RRP8: variants seen among roughly 807,000 people sequenced by gnomAD.
RRP8 encodes the protein ribosomal RNA-processing protein 8.
RRP8 carries 48 observed loss-of-function variants against 45.0 expected under a neutral mutation model. The ratio of observed to expected loss-of-function variants is 1.07; its 90% CI spans 0.85 to 1.36. The LOEUF is 1.36. RRP8 is among the 40% of genes most tolerant of loss of function. The pLI is 0.00. For missense variants in RRP8, 658 were observed against 573.7 expected (o/e 1.15, Z -1.50); for synonymous variants, 274 against 212.4 (o/e 1.29, Z -2.52).
Position 6,599,569 on chromosome 11 carries a change from C to G in RRP8, c.*577G>C, listed in dbSNP as rs956798542. On this transcript the variant is annotated 3_prime_UTR_variant, in exon 7 of 7. Transcript: ENST00000254605. ...GATGAGGGGAGAGGGGAAAGATAAA[C>G]CACTAGAAATGCTCGGTATGGGGAC... The G allele has an allele frequency of 6.6e-6, 1 of 152,258 alleles. No individual in the cohort carries two copies. Among genetic ancestry groups the G allele is most frequent in the Non-Finnish European group, 1.5e-5 (1 of 68,086 alleles). 9.4% of individuals were successfully genotyped at this position (152,258 alleles called of 1,614,324 possible). A position where few individuals can be genotyped will look rare whatever the true frequency, so the allele number is the denominator to read the frequency against.
At chr11:6,600,322 C>T (rs1281063402) in intron 6 of RRP8, 57 bp from the exon 7 acceptor site, 3 of 1,356,428 alleles carry the variant, frequency 2.2e-6, no homozygotes, top group Non-Finnish European at 3.1e-6. Flanking sequence ...CCTTAAAACA[C>T]CTCCCTCTAT....
In RRP8 at chr11:6,601,981, T is replaced by C. The variant is rs143875693; in HGVS notation, c.334A>G (p.Arg112Gly). ...GCCTGTTTGTGGCATTTCTTCTTCC[T>C]TTCTACTTCTTCCTCAGAGTCACTG... ...PCSDSEEEVERKKKCHKQALV... is the reference protein window; with the variant it reads ...PCSDSEEEVEGKKKCHKQALV... Residue 112 changes from arginine (R) to glycine (G), a missense_variant, in exon 2 of 7, where the codon AGG becomes GGG. Coordinates refer to ENST00000254605, the MANE Select transcript of RRP8 (RefSeq NM_015324.4). The C allele has an allele frequency of 1.4e-5, 22 of 1,614,082 alleles. No homozygotes were observed. The Middle Eastern group carries it at 6.6e-4, about 48-fold the overall frequency.
Position 6,601,865 on chromosome 11 carries a change from A to G in RRP8, c.450T>C (p.Asn150=). 6.2e-7 allele frequency: 1 copy of G among 1,611,710 alleles called. No homozygotes were observed. Among genetic ancestry groups the G allele is most frequent in the Non-Finnish European group, 8.5e-7 (1 of 1,178,758 alleles). Residue 150 remains asparagine, a synonymous_variant, in exon 2 of 7, where the codon AAT becomes AAC. Transcript: ENST00000254605. The part of the protein sequence containing the change: ...APINSAQHLD[N]VDQTGPKAWK... ...ATCCAATGGTACCTGTTTGGTCAAC[A>G]TTGTCCAGGTGCTGGGCTGAATTTA...
Position 6,600,721 on chromosome 11 carries a change from C to T in RRP8, c.1102G>A (p.Gly368Arg), listed in dbSNP as rs1854328145. The T allele has an allele frequency of 1.2e-6, 2 of 1,613,958 alleles. No homozygotes were observed. The highest frequency in any genetic ancestry group is 3.3e-5 in the Admixed American group (2 of 60,006). The part of the protein sequence containing the change: ...DVAVFCLSLM[G>R]TNIRDFLEEA... ...TCTAGGAAGTCCCTGATGTTGGTTCCCATCAGTGAAAGGCAAAACACAGCC... is the reference window on the plus strand; with the variant it reads ...TCTAGGAAGTCCCTGATGTTGGTTCTCATCAGTGAAAGGCAAAACACAGCC... Residue 368 changes from glycine (G) to arginine (R), a missense_variant, in exon 5 of 7, where the codon GGA becomes AGA. By Grantham distance (125) the Gly-to-Arg change is moderately radical (BLOSUM62 -2). Coordinates refer to ENST00000254605, the MANE Select transcript of RRP8 (RefSeq NM_015324.4).
rs1470433092 is a variant in RRP8 at position 6,599,439 on chromosome 11, G to T, written c.*707C>A. 6.6e-6 allele frequency: 1 copy of T among 152,166 alleles called. No individual in the cohort carries two copies. Among genetic ancestry groups the T allele is most frequent in the Non-Finnish European group, 1.5e-5 (1 of 68,048 alleles). The allele number at this position is 152,166 out of a possible 1,614,324, so 9.4% of individuals were successfully genotyped here. On this transcript the variant is annotated 3_prime_UTR_variant, in exon 7 of 7. Transcript: ENST00000254605. ...GTAGCAGGCCAAGAATTAAATCCAGGTCTACCTGATTCCAAAATCTGTGCT... is the reference window on the plus strand; with the variant it reads ...GTAGCAGGCCAAGAATTAAATCCAGTTCTACCTGATTCCAAAATCTGTGCT...
In RRP8 at chr11:6,600,924, A is replaced by G. The variant is rs1277495309; in HGVS notation, c.1047+2T>C. The G allele has an allele frequency of 6.2e-7, 1 of 1,614,164 alleles. No individual in the cohort carries two copies. On this transcript the variant is annotated splice_donor_variant, in intron 4 of 6. Coordinates refer to ENST00000254605, the MANE Select transcript of RRP8 (RefSeq NM_015324.4). LOFTEE classifies it high-confidence loss of function. ...CACAAGCCAGATAACATAGGGGTTT[A>G]CCTGGGCCATGTCACACACAGTGAC...
At position 6,595,779 on chromosome 11, in the gene RRP8, A is replaced by G. The variant is rs1056835006; in HGVS notation, c.*4367T>C. On this transcript the variant is annotated 3_prime_UTR_variant, in exon 7 of 7. Transcript: ENST00000254605. ...TGTGGTCAAGAGTAAGGTGGACAGG[A>G]TACCATAGAAGATATATCCAGTGTA... 1 of 152,252 alleles carries G rather than the reference A, an allele frequency of 6.6e-6. No individual in the cohort carries two copies. Among genetic ancestry groups the G allele is most frequent in the African/African-American group, 2.4e-5 (1 of 41,472 alleles). The allele number at this position is 152,252 out of a possible 1,614,324, so 9.4% of individuals were successfully genotyped here. A position where few individuals can be genotyped will look rare whatever the true frequency, so the allele number is the denominator to read the frequency against.
Position 6,600,107 on chromosome 11 carries a change from G to GT in RRP8, c.*38dup, listed in dbSNP as rs1854303126. The stretch of plus-strand genomic sequence containing the variant: ...CAGTCTTCACAGTTCTGAGCCTGGA[G>GT]TTTGAGATCTGCCTCCCCTTTCAAG... On this transcript the variant is annotated 3_prime_UTR_variant, in exon 7 of 7. Transcript: ENST00000254605. 6 of 1,353,172 alleles carry GT rather than the reference G, an allele frequency of 4.4e-6. No individual in the cohort carries two copies. The East Asian group carries it at 1.4e-4, about 32-fold the overall frequency. 83.8% of individuals were successfully genotyped at this position (1,353,172 alleles called of 1,614,324 possible). A position where few individuals can be genotyped will look rare whatever the true frequency, so the allele number is the denominator to read the frequency against.
In RRP8 at chr11:6,601,199, C is replaced by A. The variant is rs1200710600; in HGVS notation, c.867G>T (p.Lys289Asn). The A allele has an allele frequency of 6.2e-7, 1 of 1,613,782 alleles. No homozygotes were observed. The highest frequency in any genetic ancestry group is 8.5e-7 in the Non-Finnish European group (1 of 1,179,804). ...LYHRGFQSQV[K>N]KWPLQPVDRI... is the part of the protein sequence containing the mutation. Reference sequence around the variant, plus strand: ...GGTCCACTGGCTGCAGTGGCCACTTCTTCACTTGGCTCTGGAAGCCGCGGT... The same window carrying A: ...GGTCCACTGGCTGCAGTGGCCACTTATTCACTTGGCTCTGGAAGCCGCGGT... The change falls in exon 3 of 7, where the codon AAG becomes AAT. Residue 289 changes from lysine to asparagine, a missense_variant. Physicochemically the swap from Lys to Asn is moderately conservative, Grantham distance 94. Transcript: ENST00000254605.
rs1431021853 is a variant in RRP8, at chr11:6,599,170, C to T, written c.*976G>A. 1 of 152,222 alleles carries T rather than the reference C, an allele frequency of 6.6e-6. No individual in the cohort carries two copies. The highest frequency in any genetic ancestry group is 1.5e-5 in the Non-Finnish European group (1 of 68,070). 9.4% of individuals were successfully genotyped at this position (152,222 alleles called of 1,614,324 possible). A position where few individuals can be genotyped will look rare whatever the true frequency, so the allele number is the denominator to read the frequency against. On this transcript the variant is annotated 3_prime_UTR_variant, in exon 7 of 7. Coordinates refer to ENST00000254605, the MANE Select transcript of RRP8 (RefSeq NM_015324.4). ...AGGTCTAGCCTCTCCCAGAGGCTTCCTTAGTCAACAAATCCATTCTTTACC... is the reference window on the plus strand; with the variant it reads ...AGGTCTAGCCTCTCCCAGAGGCTTCTTTAGTCAACAAATCCATTCTTTACC...
Position 6,603,532 on chromosome 11 carries a change from C to G in RRP8, c.-30G>C, listed in dbSNP as rs1854515682. 2 of 1,417,986 alleles carry G rather than the reference C, an allele frequency of 1.4e-6. No individual in the cohort carries two copies. Among genetic ancestry groups the G allele is most frequent in the Admixed American group, 2.2e-5 (1 of 45,848 alleles). The allele number at this position is 1,417,986 out of a possible 1,614,324, so 87.8% of individuals were successfully genotyped here. ...GTCGGGAGGGCAGGGTCGCCGAGTC[C>G]CCGCTCTTCTCCACGTGCACAGCGC... is the stretch of plus-strand genomic sequence containing the variant. On this transcript the variant is annotated 5_prime_UTR_variant, in exon 1 of 7. Transcript: ENST00000254605.
rs2288283 is a variant in RRP8, at chr11:6,601,484, G to A, written c.582C>T (p.Asn194=). 0.84 allele frequency: 1,349,215 copies of A among 1,613,494 alleles called. 570,627 individuals carry two copies. Among genetic ancestry groups the A allele is most frequent in the East Asian group, 0.88 (39,339 of 44,862 alleles). The change falls in exon 3 of 7, where the codon AAC becomes AAT. Residue 194 remains asparagine, a synonymous_variant. Coordinates refer to ENST00000254605, the MANE Select transcript of RRP8 (RefSeq NM_015324.4). Reference sequence around the variant, plus strand: ...GAAACTTGTTCTTACATCTTCTCTTGTTCTTTTGCCGGTTCCGCCACTGCT... The same window carrying A: ...GAAACTTGTTCTTACATCTTCTCTTATTCTTTTGCCGGTTCCGCCACTGCT... ...SRKQWRNRQK[N]KRRCKNKFQP...
rs760883930 is a variant in RRP8, at chr11:6,600,718, T to C, written c.1105A>G (p.Thr369Ala). Residue 369 changes from threonine (T) to alanine (A), a missense_variant, in exon 5 of 7, where the codon ACC (threonine) becomes GCC (alanine). By Grantham distance (58) the Thr-to-Ala change is moderately conservative (BLOSUM62 0). Transcript: ENST00000254605. ...TCCTCTAGGAAGTCCCTGATGTTGG[T>C]TCCCATCAGTGAAAGGCAAAACACA... The part of the protein sequence containing the change: ...VAVFCLSLMG[T>A]NIRDFLEEAN... 14 of 1,613,944 alleles carry C rather than the reference T, an allele frequency of 8.7e-6. No individual in the cohort carries two copies. The African/African-American group carries it at 1.3e-4, about 15-fold the overall frequency.
At position 6,601,227 on chromosome 11, in the gene RRP8, T is replaced by C; in HGVS notation, c.839A>G (p.Tyr280Cys). The C allele has an allele frequency of 6.2e-7, 1 of 1,611,844 alleles. No homozygotes were observed. The highest frequency in any genetic ancestry group is 8.5e-7 in the Non-Finnish European group (1 of 1,178,934). Residue 280 changes from tyrosine (Y) to cysteine (C), a missense_variant, in exon 3 of 7, where the codon TAC becomes TGC. Physicochemically the swap from Tyr to Cys is radical, Grantham distance 194. Transcript: ENST00000254605. Reference protein sequence around the residue: ...FQEDPEAFLLYHRGFQSQVKK... With the variant: ...FQEDPEAFLLCHRGFQSQVKK... ...CACTTGGCTCTGGAAGCCGCGGTGG[T>C]AGAGAAGAAAAGCCTCAGGGTCTTC...
At position 6,601,979 on chromosome 11, in the gene RRP8, CCTTT is replaced by C. The variant is rs1854394026; in HGVS notation, c.332_335del (p.Glu111GlyfsTer31). ...GAGCCTGTTTGTGGCATTTCTTCTTCCTTTCTACTTCTTCCTCAGAGTCACTGCA... is the reference window on the plus strand; with the variant it reads ...GAGCCTGTTTGTGGCATTTCTTCTTCCTACTTCTTCCTCAGAGTCACTGCA... On this transcript the variant is annotated frameshift_variant, in exon 2 of 7. Coordinates refer to ENST00000254605, the MANE Select transcript of RRP8 (RefSeq NM_015324.4). LOFTEE classifies it high-confidence loss of function. 6.8e-6 allele frequency: 11 copies of C among 1,614,202 alleles called. No individual in the cohort carries two copies. The highest frequency in any genetic ancestry group is 1.3e-5 in the African/African-American group (1 of 75,046).
In RRP8 at chr11:6,601,406, T is replaced by C. The variant is rs756671713; in HGVS notation, c.660A>G (p.Thr220=). Residue 220 remains threonine (T), a synonymous_variant, in exon 3 of 7, where the codon ACA becomes ACG. Transcript: ENST00000254605. ...CTGTCCTGGGAACAGGAGACACCTCTGTCTTCTCTGTGGGGGCCTCAGCTG... is the reference window on the plus strand; with the variant it reads ...CTGTCCTGGGAACAGGAGACACCTCCGTCTTCTCTGTGGGGGCCTCAGCTG... The part of the protein sequence containing the change: ...QAPAEAPTEK[T]EVSPVPRTDS... 5 of 1,614,162 alleles carry C rather than the reference T, an allele frequency of 3.1e-6. No homozygotes were observed. The East Asian group carries it at 1.1e-4, about 36-fold the overall frequency.
At position 6,603,601 on chromosome 11, in the gene RRP8, G is replaced by A. The variant is rs1307222946; in HGVS notation, c.-99C>T. On this transcript the variant is annotated 5_prime_UTR_variant, in exon 1 of 7. Coordinates refer to ENST00000254605, the MANE Select transcript of RRP8 (RefSeq NM_015324.4). ...GCTCAGACCTGCCAGAACCGACCCGGAAACCAAAGCGTGACAGCCAGGGGT... is the reference window on the plus strand; with the variant it reads ...GCTCAGACCTGCCAGAACCGACCCGAAAACCAAAGCGTGACAGCCAGGGGT... 2.8e-6 allele frequency: 2 copies of A among 713,276 alleles called. No individual in the cohort carries two copies. The highest frequency in any genetic ancestry group is 4.4e-6 in the Non-Finnish European group (2 of 452,092). The allele number at this position is 713,276 out of a possible 1,614,324, so 44.2% of individuals were successfully genotyped here.
chr11:6,601,340 C>A lies in RRP8; in HGVS notation c.726G>T (p.Met242Ile). ...ATCGGGCCCCATCCAGCCGCTGTGCCATGCGGGCTCGCAAAGCCCCTGCCC... is the reference window on the plus strand; with the variant it reads ...ATCGGGCCCCATCCAGCCGCTGTGCAATGCGGGCTCGCAAAGCCCCTGCCC... ...EARAGALRAR[M>I]AQRLDGARFR... The change falls in exon 3 of 7, where the codon ATG becomes ATT. Residue 242 changes from methionine to isoleucine, a missense_variant. By Grantham distance (10) the Met-to-Ile change is conservative. Coordinates refer to ENST00000254605, the MANE Select transcript of RRP8 (RefSeq NM_015324.4). 6.2e-7 allele frequency: 1 copy of A among 1,614,054 alleles called. No individual in the cohort carries two copies. The highest frequency in any genetic ancestry group is 8.5e-7 in the Non-Finnish European group (1 of 1,179,986).
rs111251142 is a variant in RRP8, at chr11:6,600,643, T to C, written c.1154+26A>G. ...ACTCATGCATGCACACATACATACA[T>C]GCATCTGTGTCCTGGGGGCTCTTAC... On this transcript the variant is annotated intron_variant, in intron 5 of 6. Transcript: ENST00000254605. 164 of 1,609,974 alleles carry C rather than the reference T, an allele frequency of 1.0e-4. No homozygotes were observed. The African/African-American group carries it at 1.9e-3, about 19-fold the overall frequency.
Sources: allele counts gnomAD v4.1 joint callset, GRCh38; gene constraint gnomAD v4.1.1; transcripts MANE v1.5; gene names NCBI Gene and HGNC (gene_info 2026-07-23, HGNC 2026-07-21).